Variants in DEUP1 observed in about 807,000 individuals in gnomAD.
The protein encoded by DEUP1 is coiled-coil domain containing 67.
DEUP1 carries 82 observed loss-of-function variants against 87.4 expected under a neutral mutation model. The observed-to-expected ratio is 0.94, with a 90% confidence interval of 0.78 to 1.13. The LOEUF (loss-of-function observed/expected upper bound fraction) is 1.13, where lower values mean the gene tolerates loss of function less well. Ranked by LOEUF, DEUP1 falls within the 50% of genes most tolerant of loss-of-function variation. DEUP1 has a pLI of 0.00. For missense variants in DEUP1, 663 were observed against 681.5 expected (o/e 0.97, Z 0.30); for synonymous variants, 214 against 222.7 (o/e 0.96, Z 0.35).
chr11:93,397,518 T>A (rs1946978295), intron 11 of DEUP1, among the ~76,000 whole-genome samples: 1 of 152,174 alleles, frequency 6.6e-6, no homozygotes, highest in Non-Finnish European at 1.5e-5. Context: ...CATTTCAATT[T>A]GAATGTTTTT....
chr11:93,394,510 A>G lies in DEUP1; in HGVS notation c.1093A>G (p.Arg365Gly), dbSNP rs17854610. The stretch of plus-strand genomic sequence containing the variant: ...AGAGTACCATAACTCTGAGCAGGAA[A>G]GAATGAGGAATGAAATCTCTGACCT... ...VEEYHNSEQE[R>G]MRNEISDLTE... The change falls in exon 10 of 14, where the codon AGA becomes GGA. Residue 365 changes from arginine to glycine, a missense_variant. By Grantham distance (125) the Arg-to-Gly change is moderately radical. Coordinates refer to ENST00000298050, the MANE Select transcript of DEUP1 (RefSeq NM_181645.4). The G allele has an allele frequency of 1.9e-6, 3 of 1,607,116 alleles. No homozygotes were observed. The highest frequency in any genetic ancestry group is 1.7e-5 in the Admixed American group (1 of 59,092).
At chr11:93,346,858 G>A (rs557271855) in intron 2 of DEUP1, among the ~76,000 whole-genome samples, 7 of 152,302 alleles carry the variant, frequency 4.6e-5, no homozygotes, top group African/African-American at 1.7e-4. Context: ...TGTTGTTGGT[G>A]TGTAGGAATG....
At chr11:93,343,600 G>A (rs1368958262) in intron 2 of DEUP1, among the ~76,000 whole-genome samples, 1 of 152,112 alleles carries the variant, frequency 6.6e-6, no homozygotes, top group Admixed American at 6.6e-5. Flanking sequence ...GGACCAAGGG[G>A]TTACTTAGAA....
At chr11:93,405,305 G>A (rs1947236977) in intron 11 of DEUP1, among the ~76,000 whole-genome samples, 1 of 151,878 alleles carries the variant, frequency 6.6e-6, no homozygotes, top group Admixed American at 6.6e-5. Context: ...TCTAATTTTA[G>A]AATAAGCACT....
chr11:93,359,086 G>C (rs1336866849), intron 4 of DEUP1, among the ~76,000 whole-genome samples: 1 of 152,192 alleles, frequency 6.6e-6, no homozygotes, highest in East Asian at 1.9e-4. Flanking sequence ...GGAAAAGAGA[G>C]AAAAAGAAAA....
intron 13 of DEUP1, among the ~76,000 whole-genome samples, chr11:93,417,029 T>G (rs1371276475): frequency 6.6e-6 from 1 of 151,576 alleles, no homozygotes; most frequent in African/African-American, 2.4e-5. Flanking sequence ...GGGACGTATC[T>G]CAAAATAATA....
chr11:93,362,704 C>T (rs1177142632), intron 4 of DEUP1, among the ~76,000 whole-genome samples: 1 of 151,460 alleles, frequency 6.6e-6, no homozygotes, highest in African/African-American at 2.4e-5. Context: ...AGGTATATAC[C>T]CAAGAGAAAG....
At chr11:93,397,125 C>G (rs1360914184) in intron 11 of DEUP1, among the ~76,000 whole-genome samples, 1 of 152,114 alleles carries the variant, frequency 6.6e-6, no homozygotes, top group Non-Finnish European at 1.5e-5. Flanking sequence ...ATGTTAATTA[C>G]TTAATTAGGC....
chr11:93,390,731 A>G (rs777657797), intron 9 of DEUP1, among the ~76,000 whole-genome samples: 5 of 152,128 alleles, frequency 3.3e-5, no homozygotes, highest in Admixed American at 6.5e-5. Flanking sequence ...AGACCCTTGG[A>G]GGCCACTAAA....
At chr11:93,391,773 G>C (rs548951649) in intron 9 of DEUP1, among the ~76,000 whole-genome samples, 2 of 151,346 alleles carry the variant, frequency 1.3e-5, no homozygotes, top group Non-Finnish European at 1.5e-5. Context: ...AAAGGGATGC[G>C]ATCAGCAAAA....
chr11:93,353,525 A>T (rs1944736133), intron 2 of DEUP1, among the ~76,000 whole-genome samples: 1 of 152,020 alleles, frequency 6.6e-6, no homozygotes. Flanking sequence ...GGGTGTTCCT[A>T]CCCCACATTT....
At chr11:93,431,421 A>G (rs180953197) in intron 13 of DEUP1, among the ~76,000 whole-genome samples, 7 of 152,252 alleles carry the variant, frequency 4.6e-5, no homozygotes, top group Admixed American at 4.6e-4. Flanking sequence ...ACAAAAGGGA[A>G]CAGATAAGTT....
chr11:93,391,448 G>A (rs930142987), intron 9 of DEUP1, among the ~76,000 whole-genome samples: 4 of 151,778 alleles, frequency 2.6e-5, no homozygotes, highest in Non-Finnish European at 4.4e-5. Context: ...CGTGGCTCAC[G>A]CCTGTAATCC....
intron 2 of DEUP1, among the ~76,000 whole-genome samples, chr11:93,346,254 G>A (rs1288037447): frequency 6.6e-6 from 1 of 152,006 alleles, no homozygotes; most frequent in Non-Finnish European, 1.5e-5. Flanking sequence ...TTTAATTCTT[G>A]CAGCCCTGTA....
chr11:93,393,528 G>A (rs1021091189), intron 9 of DEUP1, among the ~76,000 whole-genome samples: 86 of 151,974 alleles, frequency 5.7e-4, no homozygotes, highest in African/African-American at 1.9e-3. Context: ...TCAGTTTTGG[G>A]TCTGATGACC....
At position 93,435,391 on chromosome 11, in the gene DEUP1, A is replaced by G. The variant is rs114480252; in HGVS notation, c.1639-2152A>G. ...ATTCCCACTGAGGTAGCCAAAGACA[A>G]AGGCTGGATCAAATCATCCTGTCCA... is the stretch of plus-strand genomic sequence containing the variant. On this transcript the variant is annotated intron_variant, in intron 13 of 13. Coordinates refer to ENST00000298050, the MANE Select transcript of DEUP1 (RefSeq NM_181645.4). Among the ~76,000 whole-genome samples, 1,159 of 152,292 alleles carry G rather than the reference A, an allele frequency of 7.6e-3. 15 individuals are homozygous for G. The highest frequency in any genetic ancestry group is 0.027 in the African/African-American group (1,117 of 41,548).
intron 13 of DEUP1, among the ~76,000 whole-genome samples, chr11:93,419,897 G>A (rs1947813028): frequency 6.6e-6 from 1 of 150,610 alleles, no homozygotes; most frequent in Admixed American, 6.6e-5. Flanking sequence ...AAAAAAAACA[G>A]GCTCTGAAAT....
At chr11:93,378,073 A>G (rs1324195469) in intron 7 of DEUP1, among the ~76,000 whole-genome samples, 2 of 152,086 alleles carry the variant, frequency 1.3e-5, no homozygotes, top group Admixed American at 6.6e-5. Context: ...TCACCTGACG[A>G]CTATGTGCCT....
chr11:93,414,574 T>C (rs1352297906), intron 12 of DEUP1, among the ~76,000 whole-genome samples: 2 of 151,916 alleles, frequency 1.3e-5, no homozygotes, highest in African/African-American at 4.8e-5. Context: ...TATAATTCTG[T>C]TAAGAAAGCC....
Sources: allele counts gnomAD v4.1 joint callset (sites outside exome capture counted in the v4.1 genomes callset), GRCh38; gene constraint gnomAD v4.1.1; transcripts MANE v1.5; gene names NCBI Gene and HGNC (gene_info 2026-07-23, HGNC 2026-07-21).